The following PLXNA4 variants were observed in gnomAD, a reference collection of about 807,000 sequenced individuals.
PLXNA4 encodes the protein plexin-A4.
In PLXNA4, 44 loss-of-function variants were observed where a neutral mutation model predicts 191.8. The observed-to-expected ratio is 0.23, with a 90% CI of 0.18 to 0.29. The LOEUF is 0.29. Among genes scored for constraint, PLXNA4 ranks in the 10% least tolerant of loss-of-function variants. The pLI, the probability that PLXNA4 is intolerant of heterozygous loss-of-function variation, is 1.00. For synonymous variants in PLXNA4, 1,082 were observed against 1,009.5 expected (o/e 1.07, Z -1.36); for missense variants, 1,800 against 2,488.8 (o/e 0.72, Z 5.89).
chr7:132,562,911 C>T (rs1585346819), intron 1 of PLXNA4, among the ~76,000 whole-genome samples: 1 of 112,048 alleles, frequency 8.9e-6, no homozygotes, highest in Non-Finnish European at 1.8e-5. Context: ...CCTCCTCCTC[C>T]TCTTCCTCCT....
chr7:132,266,313 C>T (rs1399922461), intron 4 of PLXNA4: 3 of 152,192 alleles, frequency 2.0e-5, no homozygotes, highest in African/African-American at 7.2e-5. Flanking sequence ...CCTTTTAAAA[C>T]ATTACTGTGA....
rs1448572657 is a variant in PLXNA4, at chr7:132,574,197, A to G, written c.-87+2225T>C. On this transcript the variant is annotated intron_variant, in intron 1 of 31. Coordinates refer to ENST00000321063, the MANE Select transcript of PLXNA4 (RefSeq NM_020911.2). ...AATGATGGATCCTGAGGCTGCGAATACATGAGAAAGGAAAGAGGGTAGGGA... is the reference window on the plus strand; with the variant it reads ...AATGATGGATCCTGAGGCTGCGAATGCATGAGAAAGGAAAGAGGGTAGGGA... 3.3e-5 allele frequency among the ~76,000 whole-genome samples: 5 copies of G among 152,244 alleles called. 1 individual carries two copies.
At chr7:132,268,670 C>A (rs1799945069) in intron 4 of PLXNA4, among the ~76,000 whole-genome samples, 1 of 152,178 alleles carries the variant, frequency 6.6e-6, no homozygotes, top group South Asian at 2.1e-4. Context: ...CTAATCTACT[C>A]CCACATGACA....
chr7:132,456,589 C>A (rs1001336503), intron 3 of PLXNA4, among the ~76,000 whole-genome samples: 1 of 152,148 alleles, frequency 6.6e-6, no homozygotes, highest in Non-Finnish European at 1.5e-5. Flanking sequence ...TCTAACCATG[C>A]CCAGATAAGT....
chr7:132,274,969 T>C (rs1800217858), intron 4 of PLXNA4, among the ~76,000 whole-genome samples: 1 of 152,074 alleles, frequency 6.6e-6, no homozygotes, highest in Non-Finnish European at 1.5e-5. Flanking sequence ...ATATTAACTT[T>C]GATCATTTGG....
At chr7:132,146,784 A>G in intron 27 of PLXNA4, 84 bp from the exon 28 acceptor site, 1 of 1,566,046 alleles carries the variant, frequency 6.4e-7, no homozygotes, top group South Asian at 1.2e-5. Context: ...TTGCTCCGGC[A>G]GAAGCCAACG....
intron 4 of PLXNA4, among the ~76,000 whole-genome samples, chr7:132,296,358 G>T (rs181405794): frequency 6.6e-6 from 1 of 152,140 alleles, no homozygotes; most frequent in East Asian, 1.9e-4. Flanking sequence ...AAGGAGTAAT[G>T]CTCAGAATGC....
intron 3 of PLXNA4, among the ~76,000 whole-genome samples, chr7:132,366,582 T>C (rs1804196822): frequency 1.3e-5 from 2 of 151,992 alleles, no homozygotes. Context: ...CTTGGCTACC[T>C]CAAAGTAGGG....
intron 8 of PLXNA4, among the ~76,000 whole-genome samples, chr7:132,225,370 T>C (rs1460837623): frequency 6.6e-6 from 1 of 152,168 alleles, no homozygotes; most frequent in Non-Finnish European, 1.5e-5. Context: ...TGCCAGCCAG[T>C]GACTGCTCAG....
chr7:132,444,924 G>A (rs1795840416), intron 3 of PLXNA4, among the ~76,000 whole-genome samples: 1 of 151,864 alleles, frequency 6.6e-6, no homozygotes, highest in Non-Finnish European at 1.5e-5. Context: ...AACACTTTGG[G>A]AGGCCGAGGC....
At position 132,508,815 on chromosome 7, in the gene PLXNA4, G is replaced by C; in HGVS notation, c.-86-36C>G. On this transcript the variant is annotated intron_variant, in intron 1 of 31. Transcript: ENST00000321063. This position sits in a 1 kb window ranked among gnomAD's most constrained non-coding sequence, Gnocchi z 4.4. ...GGAAGACAATGAGCTGGATAACAAT[G>C]CCAGTGGCTTCATTTCACCCCACAG... 1 of 1,424,842 alleles carries C rather than the reference G, an allele frequency of 7.0e-7. No individual in the cohort carries two copies. The highest frequency in any genetic ancestry group is 9.2e-7 in the Non-Finnish European group (1 of 1,090,876). 88.3% of individuals were successfully genotyped at this position (1,424,842 alleles called of 1,614,324 possible).
intron 3 of PLXNA4, among the ~76,000 whole-genome samples, chr7:132,425,657 A>C (rs1482303042): frequency 6.6e-6 from 1 of 152,154 alleles, no homozygotes; most frequent in Non-Finnish European, 1.5e-5. Context: ...CAGCCAGAAA[A>C]TCATACAAGG....
intron 15 of PLXNA4, among the ~76,000 whole-genome samples, chr7:132,186,481 A>T (rs139707546): frequency 6.6e-6 from 1 of 152,196 alleles, no homozygotes; most frequent in Non-Finnish European, 1.5e-5. Context: ...CATGAAGCAT[A>T]TGGAGCCCAT....
chr7:132,337,200 A>G (rs1802851899), intron 3 of PLXNA4, among the ~76,000 whole-genome samples: 1 of 152,274 alleles, frequency 6.6e-6, no homozygotes, highest in African/African-American at 2.4e-5. Context: ...AAAGGCAGGG[A>G]GAATGGCATG....
At position 132,229,139 on chromosome 7, in the gene PLXNA4, A is replaced by G. The variant is rs77549456; in HGVS notation, c.1605-670T>C. ...GCAGCTATGTTCCATTTATTTTAGA[A>G]TCCCCTCATGTAGGCAGGTGGGAGA... On this transcript the variant is annotated intron_variant, in intron 5 of 31. Coordinates refer to ENST00000321063, the MANE Select transcript of PLXNA4 (RefSeq NM_020911.2). Among the ~76,000 whole-genome samples, 1,096 of 152,302 alleles carry G rather than the reference A, an allele frequency of 7.2e-3. 17 individuals carry two copies. Among genetic ancestry groups the G allele is most frequent in the African/African-American group, 0.025 (1,044 of 41,556 alleles).
chr7:132,242,413 C>T (rs1798912410), intron 4 of PLXNA4, among the ~76,000 whole-genome samples: 1 of 152,184 alleles, frequency 6.6e-6, no homozygotes, highest in Admixed American at 6.5e-5. Context: ...ATGATGTCTG[C>T]TTGGCAGGGG....
At chr7:132,432,229 T>A (rs533449971) in intron 3 of PLXNA4, among the ~76,000 whole-genome samples, 2 of 152,322 alleles carry the variant, frequency 1.3e-5, no homozygotes, top group East Asian at 3.9e-4. Flanking sequence ...TGGCATTCTC[T>A]AAGAAGCCTT....
intron 29 of PLXNA4, 132 bp from the exon 30 acceptor site, chr7:132,140,943 G>A: frequency 6.9e-7 from 1 of 1,441,728 alleles, no homozygotes; most frequent in Admixed American, 2.6e-5. Flanking sequence ...CTATGCTGCG[G>A]ATGGGATGTG....
chr7:132,484,893 T>C (rs1797485742), intron 3 of PLXNA4: 1 of 1,614,240 alleles, frequency 6.2e-7, no homozygotes, highest in African/African-American at 1.3e-5. Flanking sequence ...GCTTTGTGAC[T>C]TGAGCACTGA....
Sources: gnomAD v4.1 joint callset for allele counts (sites outside exome capture counted in the v4.1 genomes callset) on GRCh38, gnomAD v4.1.1 for gene constraint, Gnocchi (gnomAD v3.1) non-coding constraint, MANE v1.5 for transcripts, NCBI Gene and HGNC (gene_info 2026-07-23, HGNC 2026-07-21) for gene names.